SEMA3F: variants seen among roughly 807,000 people sequenced by gnomAD.
The protein encoded by SEMA3F is semaphorin-3F.
Under a neutral mutation model 98.5 loss-of-function variants are expected in SEMA3F, and 30 were observed. The observed-to-expected ratio is 0.30, with a 90% CI of 0.23 to 0.41. The LOEUF is 0.41. Among genes scored for constraint, SEMA3F ranks in the 10% least tolerant of loss-of-function variants. The pLI is 1.00. For synonymous variants in SEMA3F, 380 were observed against 444.8 expected (o/e 0.85, Z 1.83); for missense variants, 866 against 1,119.3 (o/e 0.77, Z 3.23).
chr3:50,171,240 C>A (rs892211030), intron 2 of SEMA3F, among the ~76,000 whole-genome samples: 2 of 152,172 alleles, frequency 1.3e-5, no homozygotes, highest in African/African-American at 4.8e-5. Flanking sequence ...GTTTCCTCAT[C>A]CTCTGAGTGT....
At chr3:50,171,459 G>A (rs553791637) in intron 2 of SEMA3F, among the ~76,000 whole-genome samples, 3 of 152,198 alleles carry the variant, frequency 2.0e-5, no homozygotes, top group South Asian at 2.1e-4. Flanking sequence ...CCCCTTACCC[G>A]GAGTGCCCGT....
chr3:50,175,541 T>C (rs1162848522), intron 6 of SEMA3F, among the ~76,000 whole-genome samples: 1 of 152,234 alleles, frequency 6.6e-6, no homozygotes, highest in Non-Finnish European at 1.5e-5. Flanking sequence ...GAGTGGAAAG[T>C]GGCACATGAG....
At chr3:50,169,697 C>T (rs557618947) in intron 2 of SEMA3F, among the ~76,000 whole-genome samples, 238 of 152,378 alleles carry the variant, frequency 1.6e-3, no homozygotes, top group Non-Finnish European at 2.3e-3. Context: ...AGGCATGGCG[C>T]TCCTGCTGCC....
chr3:50,159,715 G>T lies in SEMA3F; in HGVS notation c.93G>T (p.Arg31=). ...AGGACCACCTCCCGGCCACGCCCCGGGTCCGGCTCTCATTCAAAGGTAAGA... is the reference window on the plus strand; with the variant it reads ...AGGACCACCTCCCGGCCACGCCCCGTGTCCGGCTCTCATTCAAAGGTAAGA... ...PTQDHLPATP[R]VRLSFKELKA... is the part of the protein sequence containing the mutation. The change falls in exon 2 of 19, where the codon CGG becomes CGT. Residue 31 remains arginine (R), a synonymous_variant. Transcript: ENST00000002829. 6.2e-7 allele frequency: 1 copy of T among 1,610,764 alleles called. No individual in the cohort carries two copies. The highest frequency in any genetic ancestry group is 8.5e-7 in the Non-Finnish European group (1 of 1,177,850).
intron 7 of SEMA3F, among the ~76,000 whole-genome samples, chr3:50,179,697 T>C (rs1028609965): frequency 2.0e-5 from 3 of 152,272 alleles, no homozygotes; most frequent in Non-Finnish European, 4.4e-5. Context: ...TATCTAAATC[T>C]TCTGGAAAAC....
At position 50,185,444 on chromosome 3, in the gene SEMA3F, C is replaced by G; in HGVS notation, c.1458C>G (p.Asp486Glu). Reference sequence around the variant, plus strand: ...GAGGCCCTGCCCGGCCCGTTCCAGACCGCGGGACAGTGCAGAAGGTCATTG... The same window carrying G: ...GAGGCCCTGCCCGGCCCGTTCCAGAGCGCGGGACAGTGCAGAAGGTCATTG... Reference protein sequence around the residue: ...GRYEVLFLGTDRGTVQKVIVL... With the variant: ...GRYEVLFLGTERGTVQKVIVL... Residue 486 changes from aspartate to glutamate, a missense_variant and splice_region_variant, in exon 14 of 19, where the codon GAC becomes GAG. Transcript: ENST00000002829. The G allele has an allele frequency of 6.2e-7, 1 of 1,613,146 alleles. No individual in the cohort carries two copies. Among genetic ancestry groups the G allele is most frequent in the Admixed American group, 1.7e-5 (1 of 59,924 alleles).
chr3:50,175,011 G>A lies in SEMA3F; in HGVS notation c.457-85G>A. On this transcript the variant is annotated intron_variant, in intron 5 of 18. Coordinates refer to ENST00000002829, the MANE Select transcript of SEMA3F (RefSeq NM_004186.5). ...ACGTGTTCACGTGTGTTCCTGGCCT[G>A]TGTGGTGTTAGAGGCTGGCAGCCCG... 3.4e-6 allele frequency: 3 copies of A among 889,174 alleles called. No homozygotes were observed. The South Asian group carries it at 4.3e-5, about 13-fold the overall frequency. The allele number at this position is 889,174 out of a possible 1,614,324, so 55.1% of individuals were successfully genotyped here. A position where few individuals can be genotyped will look rare whatever the true frequency, so the allele number is the denominator to read the frequency against.
intron 2 of SEMA3F, 44 bp from the exon 3 acceptor site, chr3:50,173,749 G>A: frequency 6.3e-7 from 1 of 1,585,222 alleles, no homozygotes; most frequent in Non-Finnish European, 8.6e-7. Flanking sequence ...ATGGCTGGAT[G>A]GTTTCCTGAA....
At chr3:50,161,137 C>T (rs114633137) in intron 2 of SEMA3F, among the ~76,000 whole-genome samples, 1 of 152,264 alleles carries the variant, frequency 6.6e-6, no homozygotes, top group Non-Finnish European at 1.5e-5. Flanking sequence ...TAGAGTGTCT[C>T]CTCCCCCGAT....
chr3:50,182,402 C>T lies in SEMA3F; in HGVS notation c.762C>T (p.Asn254=), dbSNP rs771324931. 9 of 1,613,416 alleles carry T rather than the reference C, an allele frequency of 5.6e-6. No individual in the cohort carries two copies. The highest frequency in any genetic ancestry group is 3.3e-5 in the South Asian group (3 of 91,078). The change falls in exon 8 of 19, where the codon AAC becomes AAT. Residue 254 remains asparagine (N), a splice_region_variant and synonymous_variant. Transcript: ENST00000002829. The surrounding 1 kb of genome is among the most constrained non-coding windows in gnomAD (Gnocchi z 4.5). ...RTDQYNSRWL[N]DPSFIHAELI... ...ATCAGTACAACTCCCGGTGGCTGAA[C>T]GGTAAGCGCAGCCCCAGGAGCCCTT... is the stretch of plus-strand genomic sequence containing the variant.
At chr3:50,170,206 G>A (rs1000239012) in intron 2 of SEMA3F, among the ~76,000 whole-genome samples, 6 of 152,114 alleles carry the variant, frequency 3.9e-5, no homozygotes, top group African/African-American at 1.4e-4. Context: ...GGGACCCGGG[G>A]AAGTTCCCAC....
chr3:50,167,225 C>G (rs1465528770), intron 2 of SEMA3F, among the ~76,000 whole-genome samples: 1 of 152,210 alleles, frequency 6.6e-6, no homozygotes, highest in Admixed American at 6.5e-5. Context: ...AGTGGGACGT[C>G]TAGGCCTCTG....
chr3:50,182,755 T>C lies in SEMA3F; in HGVS notation c.875T>C (p.Val292Ala). 1 of 1,613,120 alleles carries C rather than the reference T, an allele frequency of 6.2e-7. No individual in the cohort carries two copies. Among genetic ancestry groups the C allele is most frequent in the Non-Finnish European group, 8.5e-7 (1 of 1,179,956 alleles). ...GCAGAGGCGCCGCAGAGCCCCGCGGTGTACGCCCGCATCGGGCGCATTTGC... is the reference window on the plus strand; with the variant it reads ...GCAGAGGCGCCGCAGAGCCCCGCGGCGTACGCCCGCATCGGGCGCATTTGC... ...RSAEAPQSPA[V>A]YARIGRICLN... The change falls in exon 9 of 19, where the codon GTG becomes GCG. Residue 292 changes from valine to alanine, a missense_variant. By Grantham distance (64) the Val-to-Ala change is moderately conservative. This residue lies in a region of SEMA3F where 374 missense variants were observed against 582.8 expected (regional missense o/e 0.64). Coordinates refer to ENST00000002829, the MANE Select transcript of SEMA3F (RefSeq NM_004186.5). The surrounding 1 kb of genome is among the most constrained non-coding windows in gnomAD (Gnocchi z 4.5).
Position 50,173,852 on chromosome 3 carries a change from C to G in SEMA3F, c.172C>G (p.Arg58Gly), listed in dbSNP as rs1353374396. 6.2e-7 allele frequency: 1 copy of G among 1,614,116 alleles called. No individual in the cohort carries two copies. The highest frequency in any genetic ancestry group is 8.5e-7 in the Non-Finnish European group (1 of 1,180,026). The part of the protein sequence containing the change: ...FNFLLNTTDY[R>G]ILLKDEDHDR... ...CTTCCTGCTCAACACAACCGACTAC[C>G]GAATCTTGCTCAAGGACGAGGACCA... The change falls in exon 3 of 19, where the codon CGA (arginine) becomes GGA (glycine). Residue 58 changes from arginine to glycine, a missense_variant. Around this residue, in one of 3 missense-constraint regions of SEMA3F, gnomAD observed 247 missense variants for 276.0 expected, o/e 0.89. Coordinates refer to ENST00000002829, the MANE Select transcript of SEMA3F (RefSeq NM_004186.5).
At chr3:50,186,381 C>T (rs1163028689) in intron 17 of SEMA3F, 33 bp downstream of exon 17, 1 of 1,601,160 alleles carries the variant, frequency 6.2e-7, no homozygotes, top group South Asian at 1.1e-5. Flanking sequence ...TGGGGTGCTG[C>T]TCACACTGCA....
In SEMA3F at chr3:50,182,175, C is replaced by T. The variant is rs1276321203; in HGVS notation, c.644-109C>T. The T allele has an allele frequency of 7.2e-7, 1 of 1,393,852 alleles. No individual in the cohort carries two copies. Among genetic ancestry groups the T allele is most frequent in the East Asian group, 2.3e-5 (1 of 43,006 alleles). The allele number at this position is 1,393,852 out of a possible 1,614,324, so 86.3% of individuals were successfully genotyped here. On this transcript the variant is annotated intron_variant, in intron 7 of 18. Transcript: ENST00000002829. The surrounding 1 kb of genome is among the most constrained non-coding windows in gnomAD (Gnocchi z 4.5). Reference sequence around the variant, plus strand: ...CACTCCACTGGAGATAGGATCATGCCCCAGGGAGCCTGAGCGGGGAGATAA... The same window carrying T: ...CACTCCACTGGAGATAGGATCATGCTCCAGGGAGCCTGAGCGGGGAGATAA...
Position 50,183,263 on chromosome 3 carries a change from TG to T in SEMA3F, c.1088+12del, listed in dbSNP as rs1187339698. On this transcript the variant is annotated intron_variant, in intron 11 of 18. Transcript: ENST00000002829. ...TGTCTTTACCTCCTCTGGGTGAGGCTGGGGTCAGGGCCAGCAGTGGCAGGGA... is the reference window on the plus strand; with the variant it reads ...TGTCTTTACCTCCTCTGGGTGAGGCTGGGTCAGGGCCAGCAGTGGCAGGGA... 6.2e-7 allele frequency: 1 copy of T among 1,613,874 alleles called. No individual in the cohort carries two copies. The highest frequency in any genetic ancestry group is 1.6e-4 in the Middle Eastern group (1 of 6,062).
intron 15 of SEMA3F, 57 bp downstream of exon 15, chr3:50,185,764 T>G: frequency 6.2e-7 from 1 of 1,609,122 alleles, no homozygotes; most frequent in Non-Finnish European, 8.5e-7. Flanking sequence ...CCCCTCAGGG[T>G]CATGCCCTTG....
rs1482155093 is a variant in SEMA3F, at chr3:50,187,819, G to A, written c.2062G>A (p.Val688Ile). The change falls in exon 19 of 19, where the codon GTC becomes ATC. Residue 688 changes from valine to isoleucine, a missense_variant. Physicochemically the swap from Val to Ile is conservative, Grantham distance 29. This residue lies in a region of SEMA3F where 245 missense variants were observed against 260.5 expected (regional missense o/e 0.94). Transcript: ENST00000002829. Reference protein sequence around the residue: ...CTATENNFKHVVTRVQLHVLG... With the variant: ...CTATENNFKHIVTRVQLHVLG... ...AGCCACTGAGAACAACTTTAAGCAC[G>A]TCGTCACACGAGTGCAGCTGCATGT... The A allele has an allele frequency of 5.6e-6, 9 of 1,613,382 alleles. 1 individual carries two copies. In the East Asian group the frequency reaches 6.7e-5, roughly 12 times the overall value.
Sources: allele counts gnomAD v4.1 joint callset (sites outside exome capture counted in the v4.1 genomes callset), GRCh38; gene constraint gnomAD v4.1.1; regional missense constraint gnomAD v4.1.1; non-coding constraint Gnocchi (gnomAD v3.1); transcripts MANE v1.5; gene names NCBI Gene and HGNC (gene_info 2026-07-23, HGNC 2026-07-21).